Variants in SIK2 observed in about 807,000 individuals in gnomAD.
SIK2 encodes salt inducible kinase 2, also known as serine/threonine-protein kinase SIK2.
In SIK2, 29 loss-of-function variants were observed where a neutral mutation model predicts 103.2. The ratio of observed to expected loss-of-function variants is 0.28; its 90% CI spans 0.21 to 0.38. The LOEUF is 0.38. Ranked by LOEUF, SIK2 falls within the 10% of genes least tolerant of loss-of-function variation. The probability of loss-of-function intolerance (pLI) is 1.00; values close to 1 mark genes in which losing one functional copy is unlikely to be tolerated. For synonymous variants in SIK2, 412 were observed against 446.1 expected (o/e 0.92, Z 0.96); for missense variants, 879 against 1,171.0 (o/e 0.75, Z 3.64).
At chr11:111,671,593 G>A in intron 3 of SIK2, 2 of 331,372 alleles carry the variant, frequency 6.0e-6, no homozygotes, top group Non-Finnish European at 1.2e-5. Context: ...CTCATACTGG[G>A]CACAGACCTT....
intron 3 of SIK2, chr11:111,671,635 C>A: frequency 2.8e-6 from 1 of 357,208 alleles, no homozygotes. Context: ...CAGGGAGCAG[C>A]TGTTGTCCAT....
At chr11:111,603,607 C>T (rs546047347) in intron 1 of SIK2, among the ~76,000 whole-genome samples, 4 of 152,178 alleles carry the variant, frequency 2.6e-5, no homozygotes, top group Non-Finnish European at 4.4e-5. Flanking sequence ...AACCCGCCCC[C>T]CTTCCTTCCA....
chr11:111,691,188 GTTTTTGTTTTGTCT>G (rs1369457684), intron 4 of SIK2, among the ~76,000 whole-genome samples: 1 of 152,052 alleles, frequency 6.6e-6, no homozygotes, highest in Non-Finnish European at 1.5e-5. Context: ...GATATCTTAG[GTTTTTGTTTTGTCT>G]TTTTGGTTTT....
At chr11:111,614,403 CTAAT>C (rs1941774990) in intron 1 of SIK2, among the ~76,000 whole-genome samples, 1 of 152,036 alleles carries the variant, frequency 6.6e-6, no homozygotes, top group African/African-American at 2.4e-5. Flanking sequence ...CAAAATTTAA[CTAAT>C]AGCCTACTGT....
intron 3 of SIK2, among the ~76,000 whole-genome samples, chr11:111,668,802 A>C (rs901633120): frequency 6.6e-6 from 1 of 152,258 alleles, no homozygotes; most frequent in Non-Finnish European, 1.5e-5. Flanking sequence ...AGTTCAGGCA[A>C]GGGATAATCG....
At chr11:111,624,769 G>A (rs1160222949) in intron 3 of SIK2, among the ~76,000 whole-genome samples, 1 of 152,212 alleles carries the variant, frequency 6.6e-6, no homozygotes, top group Non-Finnish European at 1.5e-5. Flanking sequence ...GGTTGGTTGG[G>A]AGGCATGGGA....
At chr11:111,641,587 C>A (rs1361450693) in intron 3 of SIK2, among the ~76,000 whole-genome samples, 1 of 151,898 alleles carries the variant, frequency 6.6e-6, no homozygotes, top group Non-Finnish European at 1.5e-5. Flanking sequence ...CTAATTTAGT[C>A]CCTCATTAAT....
rs189909754 is a variant in SIK2, at chr11:111,686,710, T to C, written c.317-1291T>C. ...AGTGGTAATGTTTAGTTTTATTGAA[T>C]TGATGTACATAGTCACATAGAATTA... On this transcript the variant is annotated intron_variant, in intron 3 of 14. Coordinates refer to ENST00000304987, the MANE Select transcript of SIK2 (RefSeq NM_015191.3). 3.8e-3 allele frequency among the ~76,000 whole-genome samples: 578 copies of C among 152,356 alleles called. 2 individuals are homozygous for C. The highest frequency in any genetic ancestry group is 0.013 in the African/African-American group (538 of 41,584).
chr11:111,602,471 C>CG lies in SIK2; in HGVS notation c.-93_-92insG. 1 of 1,318,680 alleles carries CG rather than the reference C, an allele frequency of 7.6e-7. No homozygotes were observed. The highest frequency in any genetic ancestry group is 9.8e-7 in the Non-Finnish European group (1 of 1,019,006). The allele number at this position is 1,318,680 out of a possible 1,614,324, so 81.7% of individuals were successfully genotyped here. A position where few individuals can be genotyped will look rare whatever the true frequency, so the allele number is the denominator to read the frequency against. ...GGGAAGGAGCGAAGGAGCGAAGGAG[C>CG]AAGCGGAGCGGCCGTCGCCCAAGCC... On this transcript the variant is annotated 5_prime_UTR_variant, in exon 1 of 15. Transcript: ENST00000304987. The surrounding 1 kb of genome is among the most constrained non-coding windows in gnomAD (Gnocchi z 4.5).
intron 3 of SIK2, among the ~76,000 whole-genome samples, chr11:111,659,879 C>T (rs1202670403): frequency 6.6e-6 from 1 of 152,208 alleles, no homozygotes; most frequent in Non-Finnish European, 1.5e-5. Flanking sequence ...ATTGGAGACG[C>T]AACCGTGTCA....
intron 7 of SIK2, among the ~76,000 whole-genome samples, chr11:111,703,970 T>C (rs550646769): frequency 6.6e-6 from 1 of 152,316 alleles, no homozygotes; most frequent in East Asian, 1.9e-4. Context: ...CTCGAATAGT[T>C]AGCATACTTA....
intron 3 of SIK2, among the ~76,000 whole-genome samples, chr11:111,654,058 C>T (rs1942360994): frequency 6.6e-6 from 1 of 152,134 alleles, no homozygotes; most frequent in Non-Finnish European, 1.5e-5. Flanking sequence ...ATAGAAATTT[C>T]TTAGGGAAAA....
intron 1 of SIK2, among the ~76,000 whole-genome samples, chr11:111,605,554 T>G (rs1261419322): frequency 6.6e-6 from 1 of 152,248 alleles, no homozygotes; most frequent in South Asian, 2.1e-4. Flanking sequence ...CTTTATATAC[T>G]ATGCTTTAAC....
rs1941600794 is a variant in SIK2, at chr11:111,602,772, C to T, written c.135+74C>T. 3 of 1,417,646 alleles carry T rather than the reference C, an allele frequency of 2.1e-6. No homozygotes were observed. The highest frequency in any genetic ancestry group is 2.8e-6 in the Non-Finnish European group (3 of 1,087,648). The allele number at this position is 1,417,646 out of a possible 1,614,324, so 87.8% of individuals were successfully genotyped here. ...GGAGCTGCTTACCGAGAGGGGCGGC[C>T]GCAGTGGTGGGACCGGGGAGACCCG... On this transcript the variant is annotated intron_variant, in intron 1 of 14. Coordinates refer to ENST00000304987, the MANE Select transcript of SIK2 (RefSeq NM_015191.3). This position sits in a 1 kb window ranked among gnomAD's most constrained non-coding sequence, Gnocchi z 4.5.
intron 8 of SIK2, among the ~76,000 whole-genome samples, chr11:111,706,426 T>C (rs1208885085): frequency 6.6e-6 from 1 of 152,114 alleles, no homozygotes; most frequent in African/African-American, 2.4e-5. Context: ...GAGGTTGAGA[T>C]GAATGGTTGG....
intron 3 of SIK2, among the ~76,000 whole-genome samples, chr11:111,667,842 A>G (rs1033516221): frequency 6.6e-6 from 1 of 152,316 alleles, no homozygotes; most frequent in African/African-American, 2.4e-5. Flanking sequence ...GTAAGGCCAT[A>G]GTTGTATGTC....
intron 9 of SIK2, among the ~76,000 whole-genome samples, chr11:111,713,761 G>A (rs1211369658): frequency 6.6e-6 from 1 of 152,206 alleles, no homozygotes; most frequent in East Asian, 1.9e-4. Flanking sequence ...GACGTCAGGA[G>A]TTCAAGACCA....
intron 2 of SIK2, among the ~76,000 whole-genome samples, chr11:111,616,630 T>A (rs1164259823): frequency 6.6e-6 from 1 of 152,034 alleles, no homozygotes; most frequent in Non-Finnish European, 1.5e-5. Context: ...CAGGGAAGAT[T>A]ACTTGAGTCC....
intron 9 of SIK2, 88 bp downstream of exon 9, chr11:111,712,463 A>G: frequency 7.1e-7 from 1 of 1,400,538 alleles, no homozygotes; most frequent in South Asian, 1.4e-5. Flanking sequence ...GCTTTATTGA[A>G]CTTTATCATT....
Sources: allele counts gnomAD v4.1 joint callset (sites outside exome capture counted in the v4.1 genomes callset), GRCh38; gene constraint gnomAD v4.1.1; non-coding constraint Gnocchi (gnomAD v3.1); transcripts MANE v1.5; gene names NCBI Gene and HGNC (gene_info 2026-07-23, HGNC 2026-07-21).